CLSTN2: variants seen among roughly 807,000 people sequenced by gnomAD.
The protein encoded by CLSTN2 is calsyntenin-2.
Under a neutral mutation model 101.2 loss-of-function variants are expected in CLSTN2, and 48 were observed. The observed-to-expected ratio is 0.47, with a 90% CI of 0.38 to 0.60. CLSTN2 has a LOEUF of 0.60. CLSTN2 is among the 20% of genes least tolerant of loss of function. The pLI is 0.00. For synonymous variants in CLSTN2, 481 were observed against 463.6 expected, an observed-to-expected ratio of 1.04 and a Z score of -0.48; for missense variants, 1,160 against 1,238.2, an observed-to-expected ratio of 0.94 and a Z score of 0.95.
At chr3:140,133,888 G>T (rs546419828) in intron 1 of CLSTN2, among the ~76,000 whole-genome samples, 1 of 152,182 alleles carries the variant, frequency 6.6e-6, no homozygotes, top group Non-Finnish European at 1.5e-5. Flanking sequence ...TTCTACTGCA[G>T]AATCAGGCCT....
intron 1 of CLSTN2, among the ~76,000 whole-genome samples, chr3:139,957,752 C>CAGAGG (rs1389932600): frequency 1.3e-5 from 2 of 152,140 alleles, no homozygotes; most frequent in East Asian, 1.9e-4. Context: ...CCTAAGTCAG[C>CAGAGG]AGAGGACATG....
chr3:140,044,924 C>A (rs931052523), intron 1 of CLSTN2, among the ~76,000 whole-genome samples: 4 of 151,926 alleles, frequency 2.6e-5, no homozygotes, highest in African/African-American at 9.7e-5. Flanking sequence ...CTGCTGGATT[C>A]GGTTTGCCAA....
chr3:140,043,503 T>G (rs1374634139), intron 1 of CLSTN2, among the ~76,000 whole-genome samples: 2 of 152,258 alleles, frequency 1.3e-5, no homozygotes, highest in East Asian at 3.8e-4. Context: ...TAGTTTCTTT[T>G]GCTAGGCAGA....
chr3:140,219,958 G>C (rs938279883), intron 2 of CLSTN2, among the ~76,000 whole-genome samples: 1 of 152,136 alleles, frequency 6.6e-6, no homozygotes, highest in Non-Finnish European at 1.5e-5. Flanking sequence ...TCAACCCCAG[G>C]AGGAATATCC....
Position 140,548,146 on chromosome 3 carries a change from C to A in CLSTN2, c.1674+1465C>A, listed in dbSNP as rs548851439. Among the ~76,000 whole-genome samples, 7 of 152,286 alleles carry A rather than the reference C, an allele frequency of 4.6e-5. No individual in the cohort carries two copies. In the East Asian group the frequency reaches 9.7e-4, roughly 21 times the overall value. ...GAAAAGCTGGTGGTCTGAGAGTATTCTTTAAATTGCAGCCACTTCCATAAT... is the reference window on the plus strand; with the variant it reads ...GAAAAGCTGGTGGTCTGAGAGTATTATTTAAATTGCAGCCACTTCCATAAT... On this transcript the variant is annotated intron_variant, in intron 10 of 16. Coordinates refer to ENST00000458420, the MANE Select transcript of CLSTN2 (RefSeq NM_022131.3).
At chr3:140,444,169 C>G (rs181008128) in intron 5 of CLSTN2, among the ~76,000 whole-genome samples, 1 of 152,254 alleles carries the variant, frequency 6.6e-6, no homozygotes, top group South Asian at 2.1e-4. Context: ...AGCTATGTGG[C>G]CTGTAATTCT....
At chr3:140,149,924 C>T (rs968606094) in intron 1 of CLSTN2, among the ~76,000 whole-genome samples, 4 of 152,106 alleles carry the variant, frequency 2.6e-5, no homozygotes, top group Non-Finnish European at 5.9e-5. Context: ...GTCTTGGGTT[C>T]GTGACAAGTA....
intron 7 of CLSTN2, among the ~76,000 whole-genome samples, chr3:140,466,401 T>C (rs1036406471): frequency 6.6e-6 from 1 of 152,190 alleles, no homozygotes; most frequent in African/African-American, 2.4e-5. Context: ...AGTTTGGCTG[T>C]GGGTTTTCCT....
At chr3:140,462,699 A>T (rs1257188800) in intron 7 of CLSTN2, 1 of 152,164 alleles carries the variant, frequency 6.6e-6, no homozygotes, top group Non-Finnish European at 1.5e-5. Flanking sequence ...TCAGTAGGTA[A>T]CATTCTTTCC....
chr3:140,169,450 A>G (rs1013333358), intron 1 of CLSTN2, among the ~76,000 whole-genome samples: 1 of 151,958 alleles, frequency 6.6e-6, no homozygotes, highest in Non-Finnish European at 1.5e-5. Flanking sequence ...TTCATTTCCA[A>G]TTTAATATTT....
chr3:139,991,777 A>G (rs59953746), intron 1 of CLSTN2, among the ~76,000 whole-genome samples: 2,053 of 152,302 alleles, frequency 0.013, 50 homozygotes, highest in African/African-American at 0.047. Flanking sequence ...TACACAATGA[A>G]AAGTCTAAGT....
chr3:140,522,554 G>C (rs1935052901), intron 8 of CLSTN2, among the ~76,000 whole-genome samples: 1 of 152,204 alleles, frequency 6.6e-6, no homozygotes, highest in Non-Finnish European at 1.5e-5. Flanking sequence ...TAAGGCTGTT[G>C]GAGTAAAGAA....
At position 140,353,250 on chromosome 3, in the gene CLSTN2, T is replaced by C. The variant is rs1005223430; in HGVS notation, c.233-50379T>C. On this transcript the variant is annotated intron_variant, in intron 2 of 16. Coordinates refer to ENST00000458420, the MANE Select transcript of CLSTN2 (RefSeq NM_022131.3). Reference sequence around the variant, plus strand: ...ATATATGTATGTTTACACATATATATATATATATATATATGTTTATTAAGT... The same window carrying C: ...ATATATGTATGTTTACACATATATACATATATATATATATGTTTATTAAGT... 1.8e-3 allele frequency among the ~76,000 whole-genome samples: 266 copies of C among 150,990 alleles called. 1 individual carries two copies. Among genetic ancestry groups the C allele is most frequent in the African/African-American group, 5.9e-3 (244 of 41,244 alleles).
chr3:140,553,362 A>G (rs1935741716), intron 10 of CLSTN2, among the ~76,000 whole-genome samples: 1 of 152,226 alleles, frequency 6.6e-6, no homozygotes, highest in Non-Finnish European at 1.5e-5. Flanking sequence ...ACACAGGTAG[A>G]TATTAATTTC....
intron 7 of CLSTN2, 31 bp from the exon 8 acceptor site, chr3:140,466,579 T>C (rs1339309937): frequency 1.2e-6 from 2 of 1,613,886 alleles, no homozygotes; most frequent in East Asian, 2.2e-5. Context: ...AGGGGTTCTC[T>C]CACTCTTCAA....
intron 1 of CLSTN2, among the ~76,000 whole-genome samples, chr3:140,038,913 C>T (rs1003986915): frequency 2.6e-5 from 4 of 152,242 alleles, no homozygotes; most frequent in African/African-American, 9.6e-5. Context: ...CTTGGTTTAA[C>T]CTATTTTTAG....
chr3:140,157,794 A>C (rs192764190), intron 1 of CLSTN2, among the ~76,000 whole-genome samples: 34 of 152,294 alleles, frequency 2.2e-4, no homozygotes, highest in African/African-American at 7.2e-4. Context: ...AATCCAGTAG[A>C]ACATAAAAGC....
chr3:140,401,283 G>T (rs985707677), intron 2 of CLSTN2, among the ~76,000 whole-genome samples: 2 of 152,192 alleles, frequency 1.3e-5, no homozygotes, highest in Non-Finnish European at 2.9e-5. Context: ...GGTCTTGATT[G>T]TCCTTTTTAC....
intron 2 of CLSTN2, among the ~76,000 whole-genome samples, chr3:140,362,575 A>T (rs2087740432): frequency 1.3e-5 from 2 of 152,218 alleles, no homozygotes; most frequent in African/African-American, 2.4e-5. Flanking sequence ...TCTATTAAGG[A>T]CTTGAATGCA....
Sources: allele counts gnomAD v4.1 joint callset (sites outside exome capture counted in the v4.1 genomes callset), GRCh38; gene constraint gnomAD v4.1.1; transcripts MANE v1.5; gene names NCBI Gene and HGNC (gene_info 2026-07-23, HGNC 2026-07-21).